PDE3B: variants seen among roughly 807,000 people sequenced by gnomAD.
The protein encoded by PDE3B is cGMP-inhibited 3',5'-cyclic phosphodiesterase 3B.
Under a neutral mutation model 116.8 loss-of-function variants are expected in PDE3B, and 66 were observed. The observed-to-expected ratio is 0.56, with a 90% CI of 0.46 to 0.69. The LOEUF (loss-of-function observed/expected upper bound fraction) is 0.69. Ranked by LOEUF, PDE3B falls within the 30% of genes least tolerant of loss-of-function variation. PDE3B has a pLI of 0.00. For synonymous variants in PDE3B, 595 were observed against 533.6 expected (o/e 1.12, Z -1.59); for missense variants, 1,384 against 1,368.1 (o/e 1.01, Z -0.18).
At chr11:14,685,719 G>C (rs1222992699) in intron 1 of PDE3B, among the ~76,000 whole-genome samples, 2 of 152,030 alleles carry the variant, frequency 1.3e-5, no homozygotes, top group Admixed American at 6.6e-5. Flanking sequence ...ACCTCCCAAA[G>C]TGCTAGGATT....
Position 14,718,358 on chromosome 11 carries a change from TCAA to T in PDE3B, c.979-53577_979-53575del, listed in dbSNP as rs1296325466. ...CACCCCACTGTCAACATTAGACAGA[TCAA>T]CGAGACAGAAAGTCAACAAGGATAC... On this transcript the variant is annotated intron_variant, in intron 1 of 15. Transcript: ENST00000282096. Among the ~76,000 whole-genome samples the T allele has an allele frequency of 1.1e-4, 14 of 132,164 alleles. No homozygotes were observed. The East Asian group carries it at 1.5e-3, about 14-fold the overall frequency. 86.7% of individuals were successfully genotyped at this position (132,164 alleles called of 152,430 possible).
intron 1 of PDE3B, among the ~76,000 whole-genome samples, chr11:14,654,384 G>C (rs1165713690): frequency 6.6e-6 from 1 of 152,184 alleles, no homozygotes; most frequent in African/African-American, 2.4e-5. Context: ...AATCCATAAA[G>C]CAGTGGAATA....
At chr11:14,799,297 CTGTT>C (rs747696965) in intron 4 of PDE3B, among the ~76,000 whole-genome samples, 7 of 152,128 alleles carry the variant, frequency 4.6e-5, no homozygotes, top group Non-Finnish European at 8.8e-5. Flanking sequence ...GTCTGAGAGA[CTGTT>C]TGTTATGATT....
intron 1 of PDE3B, among the ~76,000 whole-genome samples, chr11:14,747,285 A>G (rs1856934907): frequency 6.6e-6 from 1 of 152,192 alleles, no homozygotes. Flanking sequence ...TGGAGGGATA[A>G]ACATCCAAAC....
chr11:14,897,847 G>C, the PDE3B span, among the ~76,000 whole-genome samples: 1 of 152,082 alleles, frequency 6.6e-6, no homozygotes, highest in Admixed American at 6.6e-5. Context: ...AATGCTCTGG[G>C]CCATAATGCA....
intron 1 of PDE3B, among the ~76,000 whole-genome samples, chr11:14,730,430 G>A (rs1032262407): frequency 3.9e-5 from 6 of 152,170 alleles, no homozygotes; most frequent in Admixed American, 2.0e-4. Flanking sequence ...ACATTTCCTT[G>A]TGATAGCATC....
At chr11:14,761,092 A>G (rs1342910715) in intron 1 of PDE3B, among the ~76,000 whole-genome samples, 1 of 152,130 alleles carries the variant, frequency 6.6e-6, no homozygotes, top group Non-Finnish European at 1.5e-5. Flanking sequence ...AATCACAGTA[A>G]AACACTAGAC....
At chr11:14,872,146 GCTTA>G (rs1186293726), downstream of PDE3B, 4 of 128,668 alleles carry the variant, frequency 3.1e-5, no homozygotes, top group Non-Finnish European at 7.3e-5. Flanking sequence ...GGAGATTCTG[GCTTA>G]CTTAAGTCAT....
At chr11:14,733,770 C>T (rs1401773411) in intron 1 of PDE3B, among the ~76,000 whole-genome samples, 2 of 151,824 alleles carry the variant, frequency 1.3e-5, no homozygotes, top group Non-Finnish European at 2.9e-5. Context: ...GCCTTTTAGC[C>T]AATAAATAGA....
intron 1 of PDE3B, among the ~76,000 whole-genome samples, chr11:14,703,001 A>T (rs1012157497): frequency 6.6e-6 from 1 of 151,860 alleles, no homozygotes; most frequent in African/African-American, 2.4e-5. Context: ...CCAAATGCAG[A>T]GTTTCTCTAG....
At chr11:14,678,185 C>T (rs768469722) in intron 1 of PDE3B, among the ~76,000 whole-genome samples, 17 of 151,912 alleles carry the variant, frequency 1.1e-4, no homozygotes, top group Middle Eastern at 3.2e-3. Context: ...CTTAGCCTCC[C>T]GGACTGCTGG....
intron 1 of PDE3B, among the ~76,000 whole-genome samples, chr11:14,760,558 C>G (rs1857331889): frequency 6.6e-6 from 1 of 152,136 alleles, no homozygotes; most frequent in African/African-American, 2.4e-5. Context: ...TGACCATCAG[C>G]ATACCAAAAA....
At chr11:14,883,142 C>G in the PDE3B span, among the ~76,000 whole-genome samples, 3 of 152,264 alleles carry the variant, frequency 2.0e-5, no homozygotes, top group Non-Finnish European at 4.4e-5. Context: ...CCATCCCCAT[C>G]AAGCTACCAA....
At chr11:14,704,437 A>T (rs1336336189) in intron 1 of PDE3B, among the ~76,000 whole-genome samples, 1 of 151,788 alleles carries the variant, frequency 6.6e-6, no homozygotes, top group Non-Finnish European at 1.5e-5. Context: ...TTTATTTAAA[A>T]AGTTGGCAGC....
intron 10 of PDE3B, among the ~76,000 whole-genome samples, chr11:14,833,445 G>A (rs1369642616): frequency 2.0e-5 from 3 of 151,994 alleles, no homozygotes; most frequent in Non-Finnish European, 4.4e-5. Context: ...TTTTTCACCT[G>A]GTTGTTATAC....
intron 4 of PDE3B, 123 bp from the exon 5 acceptor site, chr11:14,803,821 C>T (rs1858840638): frequency 3.2e-6 from 2 of 630,716 alleles, no homozygotes; most frequent in Non-Finnish European, 5.6e-6. Context: ...AGGCCTTAGG[C>T]ACTAGAGGCG....
At chr11:14,886,667 CCAGT>C in the PDE3B span, 4 of 152,294 alleles carry the variant, frequency 2.6e-5, no homozygotes, top group African/African-American at 4.8e-5. Context: ...ATATAAGAGG[CCAGT>C]CAGTGAGAGA....
intron 7 of PDE3B, among the ~76,000 whole-genome samples, chr11:14,829,450 A>G (rs1859802886): frequency 6.6e-6 from 1 of 152,202 alleles, no homozygotes; most frequent in African/African-American, 2.4e-5. Flanking sequence ...AAAGTAATAA[A>G]TGATTATCAT....
intron 5 of PDE3B, among the ~76,000 whole-genome samples, chr11:14,812,638 T>G (rs879283526): frequency 7.2e-5 from 11 of 152,108 alleles, no homozygotes; most frequent in Non-Finnish European, 1.3e-4. Flanking sequence ...TGATAAAAAA[T>G]CTGAAGAGTC....
Sources: gnomAD v4.1 joint callset for allele counts (sites outside exome capture counted in the v4.1 genomes callset) on GRCh38, gnomAD v4.1.1 for gene constraint, MANE v1.5 for transcripts, NCBI Gene and HGNC (gene_info 2026-07-23, HGNC 2026-07-21) for gene names.